FUT9: variants seen among roughly 807,000 people sequenced by gnomAD.
FUT9 encodes the protein fucosyltransferase 9, also known as 4-galactosyl-N-acetylglucosaminide 3-alpha-L-fucosyltransferase 9.
A neutral mutation model predicts 29.7 loss-of-function variants in FUT9; 15 were observed. The observed-to-expected ratio is 0.51, with a 90% CI of 0.34 to 0.78. The LOEUF is 0.78. Ranked by LOEUF, FUT9 falls within the 30% of genes least tolerant of loss-of-function variation. The pLI, the probability that FUT9 is intolerant of heterozygous loss-of-function variation, is 0.01. For synonymous variants in FUT9, 169 were observed against 153.7 expected, an observed-to-expected ratio of 1.10 and a Z score of -0.74; for missense variants, 319 against 425.4, an observed-to-expected ratio of 0.75 and a Z score of 2.20.
intron 2 of FUT9, among the ~76,000 whole-genome samples, chr6:96,177,933 A>T (rs1316731008): frequency 6.6e-6 from 1 of 152,188 alleles, no homozygotes; most frequent in Non-Finnish European, 1.5e-5. Flanking sequence ...TTATACAGAC[A>T]TCTTTTTCCC....
chr6:96,101,629 A>C (rs576725328), intron 1 of FUT9, among the ~76,000 whole-genome samples: 2 of 152,104 alleles, frequency 1.3e-5, no homozygotes, highest in South Asian at 4.1e-4. Context: ...TTCCTCCTTG[A>C]GGAGGCGGGG....
At chr6:96,019,862 G>T (rs1334080521) in intron 1 of FUT9, among the ~76,000 whole-genome samples, 1 of 152,098 alleles carries the variant, frequency 6.6e-6, no homozygotes, top group Admixed American at 6.5e-5. Context: ...TTTCAAAGTA[G>T]TTAATAGAAA....
chr6:96,060,843 A>G (rs571515550), intron 1 of FUT9, among the ~76,000 whole-genome samples: 1 of 152,272 alleles, frequency 6.6e-6, no homozygotes, highest in Admixed American at 6.5e-5. Context: ...TGGCCAGCAT[A>G]CTTAACCTTT....
chr6:96,126,495 A>G (rs1772136493), intron 2 of FUT9, among the ~76,000 whole-genome samples: 1 of 152,194 alleles, frequency 6.6e-6, no homozygotes, highest in African/African-American at 2.4e-5. Flanking sequence ...GCTTCCCTAA[A>G]GTTCTTAGGT....
At chr6:96,136,972 C>T (rs536213969) in intron 2 of FUT9, among the ~76,000 whole-genome samples, 16 of 151,934 alleles carry the variant, frequency 1.1e-4, no homozygotes, top group South Asian at 1.0e-3. Context: ...GAATAGGATA[C>T]GAGAAAATGG....
chr6:96,134,216 G>A (rs1216978602), intron 2 of FUT9, among the ~76,000 whole-genome samples: 1 of 151,812 alleles, frequency 6.6e-6, no homozygotes, highest in Non-Finnish European at 1.5e-5. Flanking sequence ...CTATTTAGAT[G>A]TATATGTTTC....
chr6:96,126,548 A>G (rs187118418), intron 2 of FUT9, among the ~76,000 whole-genome samples: 1 of 152,320 alleles, frequency 6.6e-6, no homozygotes, highest in Admixed American at 6.5e-5. Context: ...TATTTATACC[A>G]TAGTTTTGCT....
intron 1 of FUT9, among the ~76,000 whole-genome samples, chr6:96,084,024 C>A (rs1771279627): frequency 2.0e-5 from 3 of 151,996 alleles, no homozygotes; most frequent in Non-Finnish European, 4.4e-5. Context: ...TAGGTCTTAA[C>A]CTTTCAGAAT....
intron 2 of FUT9, among the ~76,000 whole-genome samples, chr6:96,174,185 A>G (rs1340518519): frequency 6.6e-6 from 1 of 152,142 alleles, no homozygotes; most frequent in African/African-American, 2.4e-5. Context: ...TTAAATAAAT[A>G]CAAACTTTTC....
At chr6:96,166,524 C>A (rs147842147) in intron 2 of FUT9, among the ~76,000 whole-genome samples, 41 of 152,152 alleles carry the variant, frequency 2.7e-4, no homozygotes, top group African/African-American at 8.2e-4. Flanking sequence ...TACCATTTTG[C>A]CTTTGATCTT....
intron 1 of FUT9, among the ~76,000 whole-genome samples, chr6:96,068,199 C>T (rs956026857): frequency 6.6e-6 from 1 of 151,950 alleles, no homozygotes; most frequent in Non-Finnish European, 1.5e-5. Flanking sequence ...GGAAATCAAC[C>T]ATGTACAGGT....
intron 1 of FUT9, among the ~76,000 whole-genome samples, chr6:96,043,746 G>A (rs778411253): frequency 6.6e-6 from 1 of 152,090 alleles, no homozygotes; most frequent in East Asian, 1.9e-4. Context: ...TTGTAATCTC[G>A]AAGGACGTAA....
At chr6:96,035,502 A>G (rs958145008) in intron 1 of FUT9, among the ~76,000 whole-genome samples, 1 of 150,262 alleles carries the variant, frequency 6.7e-6, no homozygotes, top group Non-Finnish European at 1.5e-5. Flanking sequence ...TGCATACAAC[A>G]CATTTAATTT....
intron 1 of FUT9, among the ~76,000 whole-genome samples, chr6:96,080,710 T>C (rs993856986): frequency 1.1e-4 from 17 of 151,982 alleles, no homozygotes; most frequent in African/African-American, 4.1e-4. Flanking sequence ...TCCAGTTCCA[T>C]GGTTTAAAAT....
intron 1 of FUT9, among the ~76,000 whole-genome samples, chr6:96,054,381 G>A (rs75941796): frequency 6.6e-6 from 1 of 152,154 alleles, no homozygotes; most frequent in African/African-American, 2.4e-5. Flanking sequence ...AGTGTGTAAT[G>A]TGAAATATGC....
chr6:96,136,486 C>A (rs1772351345), intron 2 of FUT9, among the ~76,000 whole-genome samples: 1 of 151,912 alleles, frequency 6.6e-6, no homozygotes, highest in Admixed American at 6.6e-5. Flanking sequence ...TAAACAGCAT[C>A]ATCCTTCTTG....
At chr6:96,112,320 G>C (rs938551777) in intron 1 of FUT9, among the ~76,000 whole-genome samples, 3 of 152,070 alleles carry the variant, frequency 2.0e-5, no homozygotes, top group Non-Finnish European at 4.4e-5. Flanking sequence ...CTAAACAAAT[G>C]TTACAAAATA....
chr6:96,177,490 C>T (rs1344356299), intron 2 of FUT9, among the ~76,000 whole-genome samples: 1 of 152,000 alleles, frequency 6.6e-6, no homozygotes, highest in Non-Finnish European at 1.5e-5. Flanking sequence ...AAAGCTTGAC[C>T]ACCTGCTATA....
intron 2 of FUT9, among the ~76,000 whole-genome samples, chr6:96,123,548 T>C (rs937855560): frequency 1.3e-5 from 2 of 152,196 alleles, no homozygotes; most frequent in African/African-American, 4.8e-5. Context: ...TTGAAGTGAG[T>C]CTTTTTCTGA....
Sources: allele counts gnomAD v4.1 joint callset (sites outside exome capture counted in the v4.1 genomes callset), GRCh38; gene constraint gnomAD v4.1.1; transcripts MANE v1.5; gene names NCBI Gene and HGNC (gene_info 2026-07-23, HGNC 2026-07-21).